PIGG: variants seen among roughly 807,000 people sequenced by gnomAD.
PIGG encodes phosphatidylinositol glycan anchor biosynthesis class G (EMM blood group).
Under a neutral mutation model 83.2 loss-of-function variants are expected in PIGG, and 70 were observed. The observed-to-expected ratio is 0.84, with a 90% CI of 0.69 to 1.03. PIGG has a LOEUF of 1.03. Ranked by LOEUF, PIGG falls within the 50% of genes least tolerant of loss-of-function variation. The pLI, the probability that PIGG is intolerant of heterozygous loss-of-function variation, is 0.00. For synonymous variants in PIGG, 532 were observed against 519.5 expected, an observed-to-expected ratio of 1.02 and a Z score of -0.33; for missense variants, 1,257 against 1,233.6, an observed-to-expected ratio of 1.02 and a Z score of -0.28.
At chr4:512,375 A>C (rs1553884091) in intron 5 of PIGG, among the ~76,000 whole-genome samples, 1 of 149,756 alleles carries the variant, frequency 6.7e-6, no homozygotes, top group Non-Finnish European at 1.5e-5. Context: ...ACCCACCACC[A>C]CCGGTTAATT....
intron 4 of PIGG, among the ~76,000 whole-genome samples, chr4:507,915 T>C (rs1474350360): frequency 5.3e-5 from 8 of 151,366 alleles, no homozygotes; most frequent in African/African-American, 9.7e-5. Context: ...CTGTGTCACT[T>C]TCTGTTCTGT....
intron 11 of PIGG, chr4:531,348 AC>A (rs924333327): frequency 1.2e-3 from 171 of 144,540 alleles, no homozygotes; most frequent in Non-Finnish European, 2.3e-3. Context: ...CCTCCCGGCA[AC>A]CTCAGGAGAG....
chr4:512,169 G>A (rs1159696075), intron 5 of PIGG, among the ~76,000 whole-genome samples: 2 of 149,326 alleles, frequency 1.3e-5, no homozygotes, highest in Non-Finnish European at 3.0e-5. Context: ...GCCAGTTCAA[G>A]TCTATTGTTA....
intron 8 of PIGG, 83 bp downstream of exon 8, chr4:522,024 C>G (rs765304706): frequency 1.4e-6 from 2 of 1,476,140 alleles, no homozygotes; most frequent in Non-Finnish European, 1.9e-6. Flanking sequence ...TTTCGTTTAC[C>G]AGACTCTGGT....
chr4:521,222 G>A lies in PIGG; in HGVS notation c.1281G>A (p.Val427=), dbSNP rs775475582. 6.2e-7 allele frequency: 1 copy of A among 1,614,128 alleles called. No individual in the cohort carries two copies. Among genetic ancestry groups the A allele is most frequent in the South Asian group, 1.1e-5 (1 of 91,078 alleles). Residue 427 remains valine (V), a synonymous_variant, in exon 7 of 13, where the codon GTG becomes GTA. Transcript: ENST00000453061. The part of the protein sequence containing the change: ...KTLSLSLSAQ[V]AQYDIYSMMV... ...TGAGCTTGTCCCTGAGTGCACAAGT[G>A]GCCCAGTACGACATCTATTCGATGA...
chr4:539,189 A>G lies in PIGG; in HGVS notation c.2772A>G (p.Ala924=), dbSNP rs1731477058. ...TGAGTCATGCTTGCTTCTGCTACGC[A>G]CTGATTTGTTCTATTCCAGTTTTCA... ...SALSHACFCY[A]LICSIPVFTY... is the part of the protein sequence containing the mutation. Residue 924 remains alanine, a synonymous_variant, in exon 13 of 13, where the codon GCA becomes GCG. Coordinates refer to ENST00000453061, the MANE Select transcript of PIGG (RefSeq NM_001127178.3). 6.2e-7 allele frequency: 1 copy of G among 1,613,500 alleles called. No individual in the cohort carries two copies.
chr4:524,334 C>T (rs1042297719), intron 9 of PIGG, among the ~76,000 whole-genome samples: 1 of 152,180 alleles, frequency 6.6e-6, no homozygotes, highest in Admixed American at 6.5e-5. Flanking sequence ...TATAAAGAAA[C>T]ACCTGAGGCC....
rs748675097 is a variant in PIGG at position 539,252 on chromosome 4, A to G, written c.2835A>G (p.Leu945=). The G allele has an allele frequency of 5.1e-5, 83 of 1,611,876 alleles. No individual in the cohort carries two copies. Among genetic ancestry groups the G allele is most frequent in the Non-Finnish European group, 6.5e-5 (77 of 1,178,076 alleles). The change falls in exon 13 of 13, where the codon TTA becomes TTG. Residue 945 remains leucine (L), a synonymous_variant. Coordinates refer to ENST00000453061, the MANE Select transcript of PIGG (RefSeq NM_001127178.3). ...IVLVTSLRYH[L]FIWSVFSPKL... ...TGGTGACATCTCTGCGTTATCATTT[A>G]TTTATATGGAGTGTATTTTCTCCAA... is the stretch of plus-strand genomic sequence containing the variant.
rs1720837249 is a variant in PIGG, at chr4:508,799, C to T, written c.760-30C>T. 2.5e-6 allele frequency: 4 copies of T among 1,610,166 alleles called. No homozygotes were observed. The Admixed American group carries it at 6.7e-5, about 27-fold the overall frequency. On this transcript the variant is annotated intron_variant, in intron 4 of 12. Transcript: ENST00000453061. Reference sequence around the variant, plus strand: ...TGATGTGCTCTCTTCAGTCTGAACGCAGTTGAAATGTTTTTCCTTTGCCTT... The same window carrying T: ...TGATGTGCTCTCTTCAGTCTGAACGTAGTTGAAATGTTTTTCCTTTGCCTT...
Position 499,270 on chromosome 4 carries a change from A to G in PIGG, c.-66A>G, listed in dbSNP as rs1034084404. ...TTAGAGGCGGCTACCTGGAGCCGGAAGCGCGGCTGCAGCAGGGCGAGGCTC... is the reference window on the plus strand; with the variant it reads ...TTAGAGGCGGCTACCTGGAGCCGGAGGCGCGGCTGCAGCAGGGCGAGGCTC... On this transcript the variant is annotated 5_prime_UTR_variant, in exon 1 of 13. Coordinates refer to ENST00000453061, the MANE Select transcript of PIGG (RefSeq NM_001127178.3). 7.7e-6 allele frequency: 12 copies of G among 1,550,906 alleles called. No individual in the cohort carries two copies. The African/African-American group carries it at 1.6e-4, about 21-fold the overall frequency.
At chr4:509,554 C>T (rs1471781706) in intron 5 of PIGG, among the ~76,000 whole-genome samples, 1 of 152,250 alleles carries the variant, frequency 6.6e-6, no homozygotes, top group African/African-American at 2.4e-5. Flanking sequence ...ACACTCGCTG[C>T]CTCACTCTTG....
In PIGG at chr4:521,216, A is replaced by T. The variant is rs774227481; in HGVS notation, c.1275A>T (p.Ala425=). ...ALKTLSLSLS[A]QVAQYDIYSM... Reference sequence around the variant, plus strand: ...AGACGCTGAGCTTGTCCCTGAGTGCACAAGTGGCCCAGTACGACATCTATT... The same window carrying T: ...AGACGCTGAGCTTGTCCCTGAGTGCTCAAGTGGCCCAGTACGACATCTATT... Residue 425 remains alanine, a synonymous_variant, in exon 7 of 13, where the codon GCA becomes GCT. Transcript: ENST00000453061. The T allele has an allele frequency of 1.7e-5, 28 of 1,614,198 alleles. No individual in the cohort carries two copies. The highest frequency in any genetic ancestry group is 2.3e-5 in the Non-Finnish European group (27 of 1,180,028).
At chr4:525,830 C>T (rs1298143868) in intron 9 of PIGG, 1 of 152,256 alleles carries the variant, frequency 6.6e-6, no homozygotes, top group Non-Finnish European at 1.5e-5. Context: ...TTGGTCCCCA[C>T]TCCAGAGGTG....
chr4:505,994 T>G, intron 3 of PIGG, 67 bp downstream of exon 3: 3 of 1,070,034 alleles, frequency 2.8e-6, no homozygotes, highest in Middle Eastern at 4.7e-4. Flanking sequence ...TGGCATCCCA[T>G]TACTTAGTGA....
At chr4:509,327 T>C (rs1314585103) in intron 5 of PIGG, among the ~76,000 whole-genome samples, 2 of 152,162 alleles carry the variant, frequency 1.3e-5, no homozygotes, top group Admixed American at 6.5e-5. Context: ...GTAAACCATC[T>C]ATTGAATAGC....
intron 5 of PIGG, among the ~76,000 whole-genome samples, chr4:511,603 A>ATGGT (rs1277900283): frequency 6.6e-6 from 1 of 152,226 alleles, no homozygotes; most frequent in Non-Finnish European, 1.5e-5. Flanking sequence ...TGATATAGAC[A>ATGGT]TGGTTTTATA....
intron 2 of PIGG, among the ~76,000 whole-genome samples, chr4:503,213 C>A (rs185719714): frequency 1.1e-4 from 16 of 152,166 alleles, no homozygotes; most frequent in Non-Finnish European, 2.1e-4. Context: ...CTGCCACCAC[C>A]GTCGTCCAGG....
Position 528,062 on chromosome 4 carries a change from T to C in PIGG, c.2261+832T>C, listed in dbSNP as rs1728144869. On this transcript the variant is annotated intron_variant, in intron 10 of 12. Transcript: ENST00000453061. The surrounding 1 kb of genome is among the most constrained non-coding windows in gnomAD (Gnocchi z 4.8). The stretch of plus-strand genomic sequence containing the variant: ...ACAGTGATCCTCCCAGTGAGGTCGG[T>C]GCTCTGACAGTGACCGTCCCAGTGA... 2.0e-6 allele frequency: 2 copies of C among 985,350 alleles called. No homozygotes were observed. Among genetic ancestry groups the C allele is most frequent in the Non-Finnish European group, 1.2e-6 (1 of 829,898 alleles). 61.0% of individuals were successfully genotyped at this position (985,350 alleles called of 1,614,324 possible). A position where few individuals can be genotyped will look rare whatever the true frequency, so the allele number is the denominator to read the frequency against.
chr4:502,297 G>A (rs1222240915), intron 2 of PIGG: 1 of 152,154 alleles, frequency 6.6e-6, no homozygotes. Flanking sequence ...TCAGTCCTTT[G>A]AGGATTCTTG....
Sources: allele counts gnomAD v4.1 joint callset (sites outside exome capture counted in the v4.1 genomes callset), GRCh38; gene constraint gnomAD v4.1.1; non-coding constraint Gnocchi (gnomAD v3.1); transcripts MANE v1.5; gene names NCBI Gene and HGNC (gene_info 2026-07-23, HGNC 2026-07-21).